OTUD7A: variants seen among roughly 807,000 people sequenced by gnomAD.
The protein encoded by OTUD7A is OTU domain-containing protein 7A.
A neutral mutation model predicts 65.7 loss-of-function variants in OTUD7A; 12 were observed. The observed-to-expected ratio is 0.18, with a 90% CI of 0.12 to 0.30. The LOEUF (loss-of-function observed/expected upper bound fraction) is 0.30. OTUD7A is among the 10% of genes least tolerant of loss of function. The pLI is 1.00. For missense variants in OTUD7A, 1,148 were observed against 1,304.8 expected (o/e 0.88, Z 1.85); for synonymous variants, 641 against 586.3 (o/e 1.09, Z -1.35).
At chr15:31,547,105 A>G (rs1888155526) in intron 5 of OTUD7A, among the ~76,000 whole-genome samples, 1 of 152,234 alleles carries the variant, frequency 6.6e-6, no homozygotes. Flanking sequence ...AGACAGCTGG[A>G]AGCTGCTTGA....
At chr15:31,832,459 T>C (rs1532745) in intron 1 of OTUD7A, among the ~76,000 whole-genome samples, 17,067 of 152,232 alleles carry the variant, frequency 0.11, 1,271 homozygotes, top group South Asian at 0.35. Context: ...TGGTATATTA[T>C]ACATAACATA....
At chr15:31,647,626 C>T (rs566638160) in intron 3 of OTUD7A, among the ~76,000 whole-genome samples, 1 of 152,162 alleles carries the variant, frequency 6.6e-6, no homozygotes, top group East Asian at 1.9e-4. Context: ...CTTCCTTCTC[C>T]CCGACTTAGT....
intron 1 of OTUD7A, among the ~76,000 whole-genome samples, chr15:31,684,860 C>G (rs1384675898): frequency 6.7e-6 from 1 of 148,582 alleles, no homozygotes. Flanking sequence ...GATGCGATGT[C>G]AGGAGGCAGG....
chr15:31,844,337 T>C lies in OTUD7A; in HGVS notation c.-100+26170A>G, dbSNP rs527648042. The stretch of plus-strand genomic sequence containing the variant: ...CTGACCAGCATAGTGAAACCCCGTC[T>C]CTACTAAAAATACAAAAATTAGCCA... On this transcript the variant is annotated intron_variant, in intron 1 of 12. Coordinates refer to ENST00000307050, the MANE Select transcript of OTUD7A (RefSeq NM_001382637.1). Among the ~76,000 whole-genome samples, 18 of 152,318 alleles carry C rather than the reference T, an allele frequency of 1.2e-4. 1 individual carries two copies. In the South Asian group the frequency reaches 3.3e-3, roughly 28 times the overall value.
intron 9 of OTUD7A, among the ~76,000 whole-genome samples, chr15:31,502,863 C>T (rs1251233489): frequency 6.6e-6 from 1 of 152,254 alleles, no homozygotes; most frequent in Admixed American, 6.5e-5. Flanking sequence ...TACCAGTTCC[C>T]TGGCTACATA....
intron 1 of OTUD7A, among the ~76,000 whole-genome samples, chr15:31,671,311 C>A (rs1316776558): frequency 2.0e-5 from 3 of 152,170 alleles, no homozygotes; most frequent in East Asian, 3.8e-4. Context: ...TTTCCCAGCA[C>A]CATTTATTAA....
At position 31,585,244 on chromosome 15, in the gene OTUD7A, C is replaced by T. The variant is rs117944506; in HGVS notation, c.152-15047G>A. On this transcript the variant is annotated intron_variant, in intron 3 of 12. Transcript: ENST00000307050. ...TTTCCCCTCCCTTCATTCTCCTCTG[C>T]GTAATTTGGGAACAGCCTGGAATGG... 2.7e-3 allele frequency among the ~76,000 whole-genome samples: 407 copies of T among 152,326 alleles called. 3 individuals are homozygous for T. Among genetic ancestry groups the T allele is most frequent in the East Asian group, 0.014 (74 of 5,186 alleles).
chr15:31,596,169 G>C (rs2141205024), intron 3 of OTUD7A, among the ~76,000 whole-genome samples: 1 of 152,264 alleles, frequency 6.6e-6, no homozygotes, highest in East Asian at 1.9e-4. Flanking sequence ...AATCTTGAGG[G>C]ACATCTGTAG....
At chr15:31,600,886 G>C (rs1392619396) in intron 3 of OTUD7A, among the ~76,000 whole-genome samples, 1 of 152,208 alleles carries the variant, frequency 6.6e-6, no homozygotes, top group Non-Finnish European at 1.5e-5. Context: ...GTGGTAAAGT[G>C]ATCAAGGCAA....
chr15:31,786,801 G>C (rs1595767892), intron 1 of OTUD7A, among the ~76,000 whole-genome samples: 1 of 152,240 alleles, frequency 6.6e-6, no homozygotes, highest in East Asian at 1.9e-4. Context: ...ATGTGGCTCA[G>C]AGTCGAAGCA....
chr15:31,655,566 C>T (rs1891966562), intron 2 of OTUD7A, among the ~76,000 whole-genome samples: 1 of 151,988 alleles, frequency 6.6e-6, no homozygotes, highest in African/African-American at 2.4e-5. Flanking sequence ...AAGACAGTGC[C>T]ATCTATGAAG....
At chr15:31,677,912 T>C (rs1892628859) in intron 1 of OTUD7A, among the ~76,000 whole-genome samples, 2 of 152,172 alleles carry the variant, frequency 1.3e-5, no homozygotes, top group Non-Finnish European at 1.5e-5. Context: ...CAGGAAGATG[T>C]GGGAAACTTT....
chr15:31,646,291 A>G (rs1456795759), intron 3 of OTUD7A, among the ~76,000 whole-genome samples: 4 of 152,084 alleles, frequency 2.6e-5, no homozygotes, highest in Non-Finnish European at 5.9e-5. Context: ...GAAAGGACAC[A>G]AAGTGGTGGG....
intron 1 of OTUD7A, among the ~76,000 whole-genome samples, chr15:31,857,821 G>A (rs961271774): frequency 6.6e-6 from 1 of 152,146 alleles, no homozygotes; most frequent in African/African-American, 2.4e-5. Flanking sequence ...CTGAAAAAGG[G>A]CTTTTCTGCT....
chr15:31,562,048 G>T (rs967782152), intron 4 of OTUD7A, among the ~76,000 whole-genome samples: 4 of 152,072 alleles, frequency 2.6e-5, no homozygotes, highest in African/African-American at 9.7e-5. Flanking sequence ...CAGAGATGGG[G>T]TCTTGCCATG....
At chr15:31,762,839 A>C (rs1442150902) in intron 1 of OTUD7A, among the ~76,000 whole-genome samples, 1 of 152,244 alleles carries the variant, frequency 6.6e-6, no homozygotes. Context: ...TTCAATCCAA[A>C]TTACTTGGTA....
At chr15:31,779,297 G>A (rs1306541870) in intron 1 of OTUD7A, among the ~76,000 whole-genome samples, 4 of 152,238 alleles carry the variant, frequency 2.6e-5, no homozygotes, top group South Asian at 4.1e-4. Flanking sequence ...CTCAGGAATC[G>A]TCACGCTGGC....
chr15:31,823,398 T>G (rs1896732145), intron 1 of OTUD7A, among the ~76,000 whole-genome samples: 1 of 152,180 alleles, frequency 6.6e-6, no homozygotes. Context: ...ACAAAATAGC[T>G]AACTTATGTA....
At chr15:31,635,261 T>C (rs1313265314) in intron 3 of OTUD7A, among the ~76,000 whole-genome samples, 1 of 152,200 alleles carries the variant, frequency 6.6e-6, no homozygotes, top group East Asian at 1.9e-4. Flanking sequence ...TAGGAAAACC[T>C]GGTACTAAAT....
Sources: gnomAD v4.1 joint callset for allele counts (sites outside exome capture counted in the v4.1 genomes callset) on GRCh38, gnomAD v4.1.1 for gene constraint, MANE v1.5 for transcripts, NCBI Gene and HGNC (gene_info 2026-07-23, HGNC 2026-07-21) for gene names.